Variants in MALRD1 observed in about 807,000 individuals in gnomAD.
MALRD1 encodes the protein MAM and LDL-receptor class A domain-containing protein 1.
In MALRD1, 247 loss-of-function variants were observed where a neutral mutation model predicts 242.1. That is an observed-to-expected ratio of 1.02 (90% confidence interval 0.92 to 1.13). MALRD1 has a LOEUF of 1.13. Among genes scored for constraint, MALRD1 ranks in the 50% most tolerant of loss-of-function variants. MALRD1 has a pLI of 0.00. For synonymous variants in MALRD1, 995 were observed against 866.6 expected (o/e 1.15, Z -2.60); for missense variants, 2,989 against 2,533.1 (o/e 1.18, Z -3.86).
chr10:19,211,349 C>A (rs1197704569), intron 18 of MALRD1, among the ~76,000 whole-genome samples: 1 of 151,726 alleles, frequency 6.6e-6, no homozygotes, highest in Non-Finnish European at 1.5e-5. Context: ...GATTCAGGCC[C>A]GAAAAGATGA....
intron 21 of MALRD1, among the ~76,000 whole-genome samples, chr10:19,284,340 C>T (rs1230066958): frequency 7.3e-5 from 11 of 150,398 alleles, no homozygotes; most frequent in Admixed American, 2.6e-4. Flanking sequence ...CACGCTGGTG[C>T]GCTGCACCCA....
At chr10:19,603,142 T>A (rs994395760) in intron 34 of MALRD1, among the ~76,000 whole-genome samples, 5 of 152,156 alleles carry the variant, frequency 3.3e-5, no homozygotes, top group African/African-American at 1.2e-4. Flanking sequence ...ATTCTGTAGG[T>A]TGCCTGTTCA....
At chr10:19,114,871 T>TG (rs1318940332) in intron 5 of MALRD1, among the ~76,000 whole-genome samples, 2 of 152,220 alleles carry the variant, frequency 1.3e-5, no homozygotes, top group Non-Finnish European at 2.9e-5. Context: ...TATAGATGGC[T>TG]GTTTTCTCCC....
At chr10:19,491,673 G>A in intron 30 of MALRD1, 28 bp downstream of exon 30, 2 of 1,540,940 alleles carry the variant, frequency 1.3e-6, no homozygotes, top group Non-Finnish European at 1.8e-6. Flanking sequence ...CTGTATGGCA[G>A]CCAGTTCAGC....
At chr10:19,164,579 AC>A (rs1333734499) in intron 12 of MALRD1, among the ~76,000 whole-genome samples, 1 of 152,170 alleles carries the variant, frequency 6.6e-6, no homozygotes, top group African/African-American at 2.4e-5. Flanking sequence ...AGAGGCAAAA[AC>A]ATTTGACTGC....
At chr10:19,551,514 G>C (rs1001215685) in intron 32 of MALRD1, among the ~76,000 whole-genome samples, 2 of 152,102 alleles carry the variant, frequency 1.3e-5, no homozygotes, top group Non-Finnish European at 2.9e-5. Context: ...CTGAGACAGT[G>C]GGGTTTTCTA....
At chr10:19,505,310 T>C (rs1163414720) in intron 31 of MALRD1, among the ~76,000 whole-genome samples, 3 of 152,144 alleles carry the variant, frequency 2.0e-5, no homozygotes, top group Admixed American at 6.5e-5. Flanking sequence ...CTAATCCTAG[T>C]GTGACTATTT....
In MALRD1 at chr10:19,087,925, TG is replaced by T. The variant is rs1202165673; in HGVS notation, c.427del (p.Asp143ThrfsTer13). ...TTTTCCTTCCAACAAATGATCAACA[TG>T]ACTGCCAGGTATTTGAAAGCACACA... is the stretch of plus-strand genomic sequence containing the variant. Reference protein sequence around the residue: ...RVFLPTNDQHDCQITFYYFSC... With the variant: ...RVFLPTNDQHXCQITFYYFSC... On this transcript the variant is annotated frameshift_variant, in exon 3 of 40. Transcript: ENST00000454679. LOFTEE classifies it high-confidence loss of function. 1.6e-6 allele frequency: 2 copies of T among 1,231,510 alleles called. No individual in the cohort carries two copies. The highest frequency in any genetic ancestry group is 2.0e-6 in the Non-Finnish European group (2 of 986,816). 76.3% of individuals were successfully genotyped at this position (1,231,510 alleles called of 1,614,324 possible).
In MALRD1 at chr10:19,146,203, C is replaced by A. The variant is rs1240400296; in HGVS notation, c.1417C>A (p.His473Asn). The A allele has an allele frequency of 2.0e-5, 25 of 1,231,532 alleles. No individual in the cohort carries two copies. The allele number at this position is 1,231,532 out of a possible 1,614,324, so 76.3% of individuals were successfully genotyped here. Residue 473 changes from histidine (H) to asparagine (N), a missense_variant, in exon 11 of 40, where the codon CAT (histidine) becomes AAT (asparagine). By Grantham distance (68) the His-to-Asn change is moderately conservative. Coordinates refer to ENST00000454679, the MANE Select transcript of MALRD1 (RefSeq NM_001142308.3). Reference sequence around the variant, plus strand: ...TTCTCTTCTACGTGTAACAGCAAAGCATCTCACCTGTGACTTTGAGTCGGG... The same window carrying A: ...TTCTCTTCTACGTGTAACAGCAAAGAATCTCACCTGTGACTTTGAGTCGGG... The part of the protein sequence containing the change: ...SDEDPATCSK[H>N]LTCDFESGFC...
chr10:19,201,206 A>G lies in MALRD1; in HGVS notation c.1952-2522A>G, dbSNP rs569684086. On this transcript the variant is annotated intron_variant, in intron 14 of 39. Coordinates refer to ENST00000454679, the MANE Select transcript of MALRD1 (RefSeq NM_001142308.3). The stretch of plus-strand genomic sequence containing the variant: ...ACATATATATTTATATATTCAATTA[A>G]TGGCTAACTAGAAGACTAATTTAAT... 4.9e-4 allele frequency among the ~76,000 whole-genome samples: 75 copies of G among 152,292 alleles called. 1 individual carries two copies. In the South Asian group the frequency reaches 0.012, roughly 24 times the overall value.
intron 21 of MALRD1, among the ~76,000 whole-genome samples, chr10:19,309,127 G>A (rs953693677): frequency 6.6e-6 from 1 of 151,476 alleles, no homozygotes; most frequent in Admixed American, 6.6e-5. Context: ...ATGAACCAGA[G>A]TTTCTTTTGT....
intron 5 of MALRD1, among the ~76,000 whole-genome samples, chr10:19,110,936 G>A (rs1257159801): frequency 1.2e-4 from 19 of 152,142 alleles, no homozygotes; most frequent in Admixed American, 1.2e-3. Context: ...AGGGAAGTTA[G>A]GAATTGGTTG....
chr10:19,455,892 C>T (rs1835622060), intron 29 of MALRD1, among the ~76,000 whole-genome samples: 1 of 152,080 alleles, frequency 6.6e-6, no homozygotes. Context: ...TTTTCAGTGC[C>T]TCTTTCTTAA....
intron 18 of MALRD1, among the ~76,000 whole-genome samples, chr10:19,230,292 A>C (rs1837992861): frequency 2.0e-5 from 3 of 152,158 alleles, no homozygotes; most frequent in African/African-American, 7.2e-5. Context: ...TGTTATAAAG[A>C]AATACCTGAG....
intron 24 of MALRD1, among the ~76,000 whole-genome samples, chr10:19,336,967 A>G (rs907080749): frequency 6.6e-6 from 1 of 152,130 alleles, no homozygotes; most frequent in African/African-American, 2.4e-5. Flanking sequence ...ATATATCATT[A>G]AATGAAACAG....
rs1480717683 is a variant in MALRD1, at chr10:19,094,193, C to T, written c.597+6008C>T. On this transcript the variant is annotated intron_variant, in intron 4 of 39. Coordinates refer to ENST00000454679, the MANE Select transcript of MALRD1 (RefSeq NM_001142308.3). ...ATGGCGGGCGCCCCTCCCCCAGCCT[C>T]GTTGCTGCCTTTCAGTTTGATCTCA... 4.8e-4 allele frequency among the ~76,000 whole-genome samples: 51 copies of T among 105,958 alleles called. 8 individuals are homozygous for T. Among genetic ancestry groups the T allele is most frequent in the African/African-American group, 1.9e-3 (47 of 25,398 alleles). The allele number at this position is 105,958 out of a possible 152,430, so 69.5% of individuals were successfully genotyped here. A position where few individuals can be genotyped will look rare whatever the true frequency, so the allele number is the denominator to read the frequency against.
At chr10:19,657,485 A>G (rs534486204) in intron 36 of MALRD1, among the ~76,000 whole-genome samples, 58 of 152,274 alleles carry the variant, frequency 3.8e-4, no homozygotes, top group Middle Eastern at 6.8e-3. Flanking sequence ...AGCCCTCCCT[A>G]CATACTGAGA....
At chr10:19,230,008 G>A (rs1237520104) in intron 18 of MALRD1, among the ~76,000 whole-genome samples, 1 of 152,066 alleles carries the variant, frequency 6.6e-6, no homozygotes, top group Non-Finnish European at 1.5e-5. Flanking sequence ...CTGTTCTAGT[G>A]GTAGTGAATA....
chr10:19,360,365 T>C (rs1166983212), intron 26 of MALRD1, among the ~76,000 whole-genome samples: 1 of 152,110 alleles, frequency 6.6e-6, no homozygotes, highest in African/African-American at 2.4e-5. Context: ...TTCGTGGATC[T>C]AATGATAAGT....
Sources: gnomAD v4.1 joint callset for allele counts (sites outside exome capture counted in the v4.1 genomes callset) on GRCh38, gnomAD v4.1.1 for gene constraint, MANE v1.5 for transcripts, NCBI Gene and HGNC (gene_info 2026-07-23, HGNC 2026-07-21) for gene names.